The following GADL1 variants were observed in gnomAD, a reference collection of about 807,000 sequenced individuals.
GADL1 encodes the protein GAD like acidic amino acid decarboxylase 1, also known as acidic amino acid decarboxylase GADL1.
In GADL1, 71 loss-of-function variants were observed where a neutral mutation model predicts 69.5. The observed-to-expected ratio is 1.02, with a 90% CI of 0.84 to 1.25. GADL1 has a LOEUF of 1.25. Ranked by LOEUF, GADL1 falls within the 50% of genes most tolerant of loss-of-function variation. The probability of loss-of-function intolerance (pLI) is 0.00; values close to 1 mark genes in which losing one functional copy is unlikely to be tolerated. For missense variants in GADL1, 737 were observed against 631.8 expected, an observed-to-expected ratio of 1.17 and a Z score of -1.79; for synonymous variants, 254 against 214.4, an observed-to-expected ratio of 1.18 and a Z score of -1.62.
intron 1 of GADL1, among the ~76,000 whole-genome samples, chr3:30,884,545 A>G (rs1472411371): frequency 6.6e-6 from 1 of 151,868 alleles, no homozygotes; most frequent in African/African-American, 2.4e-5. Context: ...AACTTAATCT[A>G]TTTACCTCCT....
chr3:30,773,568 C>T (rs73061059), intron 14 of GADL1, among the ~76,000 whole-genome samples: 12,764 of 152,132 alleles, frequency 0.084, 733 homozygotes, highest in South Asian at 0.2. Flanking sequence ...CATAAAATTT[C>T]GATATTAATA....
At chr3:30,763,724 G>A (rs1575191606) in intron 14 of GADL1, among the ~76,000 whole-genome samples, 1 of 152,064 alleles carries the variant, frequency 6.6e-6, no homozygotes, top group South Asian at 2.1e-4. Flanking sequence ...TTCTCACATT[G>A]TAAAGTTGAA....
At chr3:30,824,919 C>T (rs1697658438) in intron 11 of GADL1, among the ~76,000 whole-genome samples, 1 of 151,722 alleles carries the variant, frequency 6.6e-6, no homozygotes, top group Non-Finnish European at 1.5e-5. Flanking sequence ...GTTTTTATAT[C>T]TATCTATCTT....
chr3:30,821,320 A>C (rs976644227), intron 11 of GADL1, among the ~76,000 whole-genome samples: 1 of 151,142 alleles, frequency 6.6e-6, no homozygotes, highest in Non-Finnish European at 1.5e-5. Context: ...CCTAAAACTT[A>C]AAGTATAATA....
At chr3:30,774,917 G>A (rs1183123459) in intron 14 of GADL1, among the ~76,000 whole-genome samples, 3 of 152,026 alleles carry the variant, frequency 2.0e-5, no homozygotes, top group Non-Finnish European at 2.9e-5. Context: ...GGGGCTTGAC[G>A]GTAAAGAAAA....
intron 6 of GADL1, among the ~76,000 whole-genome samples, chr3:30,846,287 A>G (rs749423738): frequency 3.3e-5 from 5 of 152,012 alleles, no homozygotes; most frequent in East Asian, 1.9e-4. Context: ...CTAAGACTCA[A>G]CCTCCCCACA....
chr3:30,879,715 G>A (rs530566119), intron 1 of GADL1, among the ~76,000 whole-genome samples: 6 of 151,834 alleles, frequency 4.0e-5, no homozygotes, highest in East Asian at 3.9e-4. Flanking sequence ...AGATTTTTCC[G>A]TGACTTTGCC....
intron 6 of GADL1, 97 bp downstream of exon 6, chr3:30,849,899 G>C: frequency 1.4e-6 from 1 of 708,714 alleles, no homozygotes; most frequent in Non-Finnish European, 2.5e-6. Flanking sequence ...TTAGTCACAT[G>C]GGTATAGGAC....
At chr3:30,892,771 C>A (rs1380079273) in intron 1 of GADL1, among the ~76,000 whole-genome samples, 1 of 152,166 alleles carries the variant, frequency 6.6e-6, no homozygotes, top group Non-Finnish European at 1.5e-5. Context: ...ACCATCCTTC[C>A]TTCACATAAA....
intron 9 of GADL1, among the ~76,000 whole-genome samples, chr3:30,837,682 G>A (rs1559357014): frequency 6.6e-6 from 1 of 151,992 alleles, no homozygotes. Flanking sequence ...TTTCTTTTAT[G>A]AGAGTACAAT....
chr3:30,768,417 A>C (rs1165768637), intron 14 of GADL1, among the ~76,000 whole-genome samples: 1 of 152,182 alleles, frequency 6.6e-6, no homozygotes. Flanking sequence ...GGAAAGAGAC[A>C]GTGAAGTAGC....
At chr3:30,760,277 GTTAC>G (rs1260187320) in intron 14 of GADL1, among the ~76,000 whole-genome samples, 1 of 152,124 alleles carries the variant, frequency 6.6e-6, no homozygotes, top group Non-Finnish European at 1.5e-5. Flanking sequence ...TCATACCCCA[GTTAC>G]TTACTGGCTT....
chr3:30,831,701 C>G (rs1054916113), intron 11 of GADL1, among the ~76,000 whole-genome samples: 1 of 151,848 alleles, frequency 6.6e-6, no homozygotes, highest in African/African-American at 2.4e-5. Context: ...GAGAAGAATG[C>G]TCTCGTATAA....
chr3:30,805,073 C>G (rs549633850), intron 11 of GADL1, among the ~76,000 whole-genome samples: 1 of 152,334 alleles, frequency 6.6e-6, no homozygotes, highest in African/African-American at 2.4e-5. Context: ...AACACCTAAC[C>G]TAGCGCACAT....
At chr3:30,760,463 A>C (rs903140834) in intron 14 of GADL1, among the ~76,000 whole-genome samples, 1 of 152,180 alleles carries the variant, frequency 6.6e-6, no homozygotes, top group African/African-American at 2.4e-5. Flanking sequence ...AGCTACCAAC[A>C]GACTGTGTCT....
At chr3:30,810,257 G>T (rs1029177958) in intron 11 of GADL1, among the ~76,000 whole-genome samples, 10 of 152,164 alleles carry the variant, frequency 6.6e-5, no homozygotes. Flanking sequence ...CCCACGAAAT[G>T]TGATTTCCTC....
chr3:30,759,799 C>T (rs1237082036), intron 14 of GADL1, among the ~76,000 whole-genome samples: 1 of 152,192 alleles, frequency 6.6e-6, no homozygotes, highest in Middle Eastern at 3.2e-3. Context: ...GTAGCATAGT[C>T]TCCAATATCT....
chr3:30,885,858 T>G (rs1698697171), intron 1 of GADL1, among the ~76,000 whole-genome samples: 1 of 152,074 alleles, frequency 6.6e-6, no homozygotes, highest in Non-Finnish European at 1.5e-5. Flanking sequence ...CCTCCTACTT[T>G]GTCCTCCCGA....
rs75367409 is a variant in GADL1, at chr3:30,753,465, G to A, written c.1392+24714C>T. Among the ~76,000 whole-genome samples, 1,342 of 151,616 alleles carry A rather than the reference G, an allele frequency of 8.9e-3. 20 individuals are homozygous for A. Among genetic ancestry groups the A allele is most frequent in the African/African-American group, 0.031 (1,270 of 41,274 alleles). On this transcript the variant is annotated intron_variant, in intron 14 of 14. Coordinates refer to ENST00000282538, the MANE Select transcript of GADL1 (RefSeq NM_207359.3). ...TTTAATTTTTAGGAAAAAATTCTCA[G>A]GTTTTTTCAATCCTAAAAAACCAAA...
Sources: gnomAD v4.1 joint callset for allele counts (sites outside exome capture counted in the v4.1 genomes callset) on GRCh38, gnomAD v4.1.1 for gene constraint, MANE v1.5 for transcripts, NCBI Gene and HGNC (gene_info 2026-07-23, HGNC 2026-07-21) for gene names.